Variants in NTPCR observed in about 807,000 individuals in gnomAD.
The protein encoded by NTPCR is nucleoside-triphosphatase, cancer-related.
In NTPCR, 15 loss-of-function variants were observed where a neutral mutation model predicts 19.5. The ratio of observed to expected loss-of-function variants is 0.77; its 90% CI spans 0.51 to 1.18. NTPCR has a LOEUF of 1.18. NTPCR is among the 50% of genes most tolerant of loss of function. The pLI, the probability that NTPCR is intolerant of heterozygous loss-of-function variation, is 0.00. For synonymous variants in NTPCR, 90 were observed against 95.8 expected, an observed-to-expected ratio of 0.94 and a Z score of 0.36; for missense variants, 206 against 240.4, an observed-to-expected ratio of 0.86 and a Z score of 0.95.
intron 3 of NTPCR, chr1:232,965,508 A>C (rs905355836): frequency 2.0e-5 from 3 of 152,292 alleles, no homozygotes; most frequent in Non-Finnish European, 4.4e-5. Flanking sequence ...GGAGGTGCTC[A>C]GCAGAGCAAT....
chr1:232,955,061 C>A (rs901595851), intron 1 of NTPCR, among the ~76,000 whole-genome samples: 2 of 152,164 alleles, frequency 1.3e-5, no homozygotes, highest in African/African-American at 4.8e-5. Flanking sequence ...TCAGGAGTTA[C>A]AACAATGTAA....
rs536061027 is a variant in NTPCR at position 232,983,317 on chromosome 1, G to A, written c.*5086G>A. 1 of 152,198 alleles carries A rather than the reference G, an allele frequency of 6.6e-6. No homozygotes were observed. Among genetic ancestry groups the A allele is most frequent in the South Asian group, 2.1e-4 (1 of 4,834 alleles). The allele number at this position is 152,198 out of a possible 1,614,324, so 9.4% of individuals were successfully genotyped here. ...TACCCCAGCAAGGATACAGGTTCCT[G>A]GGGTCTTGAAGATGGGAAAAGTTGT... On this transcript the variant is annotated 3_prime_UTR_variant, in exon 5 of 5. Transcript: ENST00000366628.
Position 232,956,347 on chromosome 1 carries a change from G to T in NTPCR, c.198G>T (p.Gly66=). 2 of 1,612,284 alleles carry T rather than the reference G, an allele frequency of 1.2e-6. No individual in the cohort carries two copies. Among genetic ancestry groups the T allele is most frequent in the Non-Finnish European group, 1.7e-6 (2 of 1,178,412 alleles). The change falls in exon 3 of 5, where the codon GGG becomes GGT. Residue 66 remains glycine, a splice_region_variant and synonymous_variant. Coordinates refer to ENST00000366628, the MANE Select transcript of NTPCR (RefSeq NM_032324.3). ...AAGAACATAATGTCTTTTCCTTCAG[G>T]TTAGAGCCTCCACCTGGAAAACGTG... ...SGTRGPLSRV[G]LEPPPGKREC...
At chr1:232,976,640 A>G (rs1669131612) in intron 4 of NTPCR, 2 of 1,403,800 alleles carry the variant, frequency 1.4e-6, no homozygotes, top group East Asian at 5.2e-5. Context: ...CCTCATTTCA[A>G]GTGGAGCCAC....
chr1:232,950,614 C>T lies in NTPCR; in HGVS notation c.-97C>T. 2.1e-6 allele frequency: 2 copies of T among 965,098 alleles called. No homozygotes were observed. The highest frequency in any genetic ancestry group is 1.4e-5 in the South Asian group (1 of 73,418). The allele number at this position is 965,098 out of a possible 1,614,324, so 59.8% of individuals were successfully genotyped here. On this transcript the variant is annotated 5_prime_UTR_variant, in exon 1 of 5. Coordinates refer to ENST00000366628, the MANE Select transcript of NTPCR (RefSeq NM_032324.3). The stretch of plus-strand genomic sequence containing the variant: ...GGCGGGGCCTGCGACACGCGGTGGG[C>T]GGGTCCTGAGTCGCGACCCTGGTCC...
At position 232,978,489 on chromosome 1, in the gene NTPCR, C is replaced by T. The variant is rs1307326973; in HGVS notation, c.*258C>T. 2.0e-5 allele frequency: 7 copies of T among 356,752 alleles called. No individual in the cohort carries two copies. The East Asian group carries it at 3.0e-4, about 15-fold the overall frequency. 22.1% of individuals were successfully genotyped at this position (356,752 alleles called of 1,614,324 possible). A position where few individuals can be genotyped will look rare whatever the true frequency, so the allele number is the denominator to read the frequency against. ...TTGTTTATTTCCTCTTGCAGTCATG[C>T]ACATGATTTGGGTAAACTGTGAGAT... On this transcript the variant is annotated 3_prime_UTR_variant, in exon 5 of 5. Transcript: ENST00000366628.
At chr1:232,972,929 AGG>A (rs1193998188) in intron 4 of NTPCR, among the ~76,000 whole-genome samples, 2 of 152,146 alleles carry the variant, frequency 1.3e-5, no homozygotes, top group African/African-American at 4.8e-5. Context: ...ATCAAAATCT[AGG>A]GGCAGGGAAG....
intron 3 of NTPCR, 147 bp downstream of exon 3, chr1:232,956,590 C>A: frequency 3.2e-6 from 2 of 619,030 alleles, no homozygotes; most frequent in Non-Finnish European, 5.9e-6. Context: ...TAAGGATAAA[C>A]AACATAATTT....
At chr1:232,954,922 G>A (rs1668471943) in intron 1 of NTPCR, among the ~76,000 whole-genome samples, 1 of 152,172 alleles carries the variant, frequency 6.6e-6, no homozygotes, top group South Asian at 2.1e-4. Flanking sequence ...GGATAAAGGT[G>A]AAGAAATGCT....
intron 3 of NTPCR, chr1:232,965,340 C>T (rs1428095947): frequency 6.6e-6 from 1 of 152,218 alleles, no homozygotes; most frequent in Non-Finnish European, 1.5e-5. Flanking sequence ...TCTGGTTTGA[C>T]TCCAGCTCTG....
chr1:232,965,991 A>T (rs1009984457), intron 3 of NTPCR: 1 of 152,334 alleles, frequency 6.6e-6, no homozygotes, highest in African/African-American at 2.4e-5. Context: ...ACCAGGCGCC[A>T]TCGGGCAGTC....
At chr1:232,954,272 G>A (rs1014291858) in intron 1 of NTPCR, among the ~76,000 whole-genome samples, 86 of 152,328 alleles carry the variant, frequency 5.6e-4, no homozygotes, top group African/African-American at 2.0e-3. Flanking sequence ...GAATCCTGTT[G>A]TGTTGCTGTT....
At chr1:232,976,705 C>G (rs556136598) in intron 4 of NTPCR, 1 of 881,496 alleles carries the variant, frequency 1.1e-6, no homozygotes, top group Non-Finnish European at 1.6e-6. Flanking sequence ...ACAGGATTGA[C>G]GCAGCCAGGA....
At chr1:232,962,280 T>G (rs1385460359) in intron 3 of NTPCR, 1 of 152,248 alleles carries the variant, frequency 6.6e-6, no homozygotes, top group Non-Finnish European at 1.5e-5. Flanking sequence ...TGATTGGGAC[T>G]ATAGTTATTT....
At chr1:232,963,788 A>C (rs1668731597) in intron 3 of NTPCR, 1 of 151,940 alleles carries the variant, frequency 6.6e-6, no homozygotes, top group South Asian at 2.1e-4. Flanking sequence ...CTCATTATCC[A>C]GAGTCACCTA....
chr1:232,978,413 G>T lies in NTPCR; in HGVS notation c.*182G>T, dbSNP rs1449111950. 4 of 566,134 alleles carry T rather than the reference G, an allele frequency of 7.1e-6. No individual in the cohort carries two copies. Among genetic ancestry groups the T allele is most frequent in the African/African-American group, 5.6e-5 (3 of 53,138 alleles). The allele number at this position is 566,134 out of a possible 1,614,324, so 35.1% of individuals were successfully genotyped here. A position where few individuals can be genotyped will look rare whatever the true frequency, so the allele number is the denominator to read the frequency against. On this transcript the variant is annotated 3_prime_UTR_variant, in exon 5 of 5. Transcript: ENST00000366628. ...ATCAAATTAGCCTTAATGCTGGATT[G>T]TCTGTACAAGATTAACTATCCATTG...
At chr1:232,971,187 T>G (rs1424219473) in intron 4 of NTPCR, among the ~76,000 whole-genome samples, 1 of 152,232 alleles carries the variant, frequency 6.6e-6, no homozygotes, top group Non-Finnish European at 1.5e-5. Flanking sequence ...TTAGTTTCTT[T>G]GAGTCAGTGG....
chr1:232,970,659 T>C (rs1397946857), intron 4 of NTPCR, among the ~76,000 whole-genome samples: 1 of 152,220 alleles, frequency 6.6e-6, no homozygotes, highest in Admixed American at 6.5e-5. Context: ...CAGTAGCGAC[T>C]AGCCACATCT....
intron 3 of NTPCR, chr1:232,967,797 AGAGGAATG>A (rs1668860848): frequency 9.2e-5 from 14 of 152,200 alleles, no homozygotes; most frequent in Admixed American, 9.2e-4. Context: ...GACAGCCTCC[AGAGGAATG>A]GCATCCACAA....
Sources: allele counts gnomAD v4.1 joint callset (sites outside exome capture counted in the v4.1 genomes callset), GRCh38; gene constraint gnomAD v4.1.1; transcripts MANE v1.5; gene names NCBI Gene and HGNC (gene_info 2026-07-23, HGNC 2026-07-21).